The following KRTAP13-2 variants were observed in gnomAD, a reference collection of about 807,000 sequenced individuals.
KRTAP13-2 encodes the protein keratin-associated protein 13-2.
For missense variants in KRTAP13-2, 231 were observed against 212.4 expected (o/e 1.09, Z -0.55); for synonymous variants, 92 against 87.4 (o/e 1.05, Z -0.30).
In KRTAP13-2 at chr21:30,371,817, C is replaced by T; in HGVS notation, c.397G>A (p.Gly133Arg). ...GSSGVRSLGY[G>R]SCGFPSLGYG... The stretch of plus-strand genomic sequence containing the variant: ...CCGAGGGAAGGGAAGCCACAGCTTC[C>T]ATAACCCAGGGATCTGACACCACTG... Residue 133 changes from glycine (G) to arginine (R), a missense_variant, in exon 1 of 1, where the codon GGA becomes AGA. Physicochemically the swap from Gly to Arg is moderately radical, Grantham distance 125. Coordinates refer to ENST00000399889, the MANE Select transcript of KRTAP13-2 (RefSeq NM_181621.4). 5 of 1,614,056 alleles carry T rather than the reference C, an allele frequency of 3.1e-6. No homozygotes were observed. The highest frequency in any genetic ancestry group is 2.7e-5 in the African/African-American group (2 of 75,022).
Position 30,371,804 on chromosome 21 carries a change from A to T in KRTAP13-2, c.410T>A (p.Phe137Tyr). ...VRSLGYGSCG[F>Y]PSLGYGSGFC... is the part of the protein sequence containing the mutation. ...TCCAGATCCATAGCCGAGGGAAGGG[A>T]AGCCACAGCTTCCATAACCCAGGGA... Residue 137 changes from phenylalanine (F) to tyrosine (Y), a missense_variant, in exon 1 of 1, where the codon TTC becomes TAC. Physicochemically the swap from Phe to Tyr is conservative, Grantham distance 22. Transcript: ENST00000399889. 1.2e-6 allele frequency: 2 copies of T among 1,614,064 alleles called. No individual in the cohort carries two copies. The highest frequency in any genetic ancestry group is 1.1e-5 in the South Asian group (1 of 91,060).
rs777345563 is a variant in KRTAP13-2 at position 30,371,793 on chromosome 21, C to T, written c.421G>A (p.Gly141Ser). ...GGGCGGCAGAATCCAGATCCATAGC[C>T]GAGGGAAGGGAAGCCACAGCTTCCA... is the stretch of plus-strand genomic sequence containing the variant. ...GYGSCGFPSL[G>S]YGSGFCRPTY... The change falls in exon 1 of 1, where the codon GGC becomes AGC. Residue 141 changes from glycine (G) to serine (S), a missense_variant. Coordinates refer to ENST00000399889, the MANE Select transcript of KRTAP13-2 (RefSeq NM_181621.4). The T allele has an allele frequency of 5.6e-6, 9 of 1,613,926 alleles. No individual in the cohort carries two copies. The highest frequency in any genetic ancestry group is 3.3e-5 in the South Asian group (3 of 91,064).
chr21:30,372,030 C>A, the KRTAP13-2 span: 2 of 1,613,986 alleles, frequency 1.2e-6, no homozygotes, highest in African/African-American at 2.7e-5. Flanking sequence ...CTGGTGGGCT[C>A]CCAGCAGATC....
chr21:30,371,506 C>G lies in KRTAP13-2; in HGVS notation c.*180G>C. Reference sequence around the variant, plus strand: ...GTTTCAAAATTATAGACATTTGACTCTATATTTTGCTCATTCATTAATTTC... The same window carrying G: ...GTTTCAAAATTATAGACATTTGACTGTATATTTTGCTCATTCATTAATTTC... On this transcript the variant is annotated 3_prime_UTR_variant, in exon 1 of 1. Coordinates refer to ENST00000399889, the MANE Select transcript of KRTAP13-2 (RefSeq NM_181621.4). The G allele has an allele frequency of 1.7e-6, 1 of 596,172 alleles. No individual in the cohort carries two copies. The highest frequency in any genetic ancestry group is 3.0e-6 in the Non-Finnish European group (1 of 338,874). The allele number at this position is 596,172 out of a possible 1,614,324, so 36.9% of individuals were successfully genotyped here.
Position 30,371,738 on chromosome 21 carries a change from G to A in KRTAP13-2, c.476C>T (p.Ser159Phe). 1.2e-6 allele frequency: 2 copies of A among 1,614,164 alleles called. No individual in the cohort carries two copies. The highest frequency in any genetic ancestry group is 1.7e-6 in the Non-Finnish European group (2 of 1,180,020). ...TCCATAGGCTGGTCTGTAACAAGGAGACTGGCAGCTCCTAGAAGCCAAGTA... is the reference window on the plus strand; with the variant it reads ...TCCATAGGCTGGTCTGTAACAAGGAAACTGGCAGCTCCTAGAAGCCAAGTA... ...PTYLASRSCQSPCYRPAYGST... is the reference protein window; with the variant it reads ...PTYLASRSCQFPCYRPAYGST... Residue 159 changes from serine to phenylalanine, a missense_variant, in exon 1 of 1, where the codon TCT becomes TTT. By Grantham distance (155) the Ser-to-Phe change is radical. Transcript: ENST00000399889.
In KRTAP13-2 at chr21:30,371,527, A is replaced by T; in HGVS notation, c.*159T>A. The T allele has an allele frequency of 1.5e-6, 1 of 685,444 alleles. No individual in the cohort carries two copies. The highest frequency in any genetic ancestry group is 3.7e-4 in the Middle Eastern group (1 of 2,736). 42.5% of individuals were successfully genotyped at this position (685,444 alleles called of 1,614,324 possible). ...GACTCTATATTTTGCTCATTCATTA[A>T]TTTCACAGTCTGAAAGAACTAGCCT... is the stretch of plus-strand genomic sequence containing the variant. On this transcript the variant is annotated 3_prime_UTR_variant, in exon 1 of 1. Coordinates refer to ENST00000399889, the MANE Select transcript of KRTAP13-2 (RefSeq NM_181621.4).
At position 30,371,723 on chromosome 21, in the gene KRTAP13-2, G is replaced by C; in HGVS notation, c.491C>G (p.Pro164Arg). Reference sequence around the variant, plus strand: ...TCTGCAGAAGGTTGATCCATAGGCTGGTCTGTAACAAGGAGACTGGCAGCT... The same window carrying C: ...TCTGCAGAAGGTTGATCCATAGGCTCGTCTGTAACAAGGAGACTGGCAGCT... ...SRSCQSPCYRPAYGSTFCRST... is the reference protein window; with the variant it reads ...SRSCQSPCYRRAYGSTFCRST... The change falls in exon 1 of 1, where the codon CCA becomes CGA. Residue 164 changes from proline (P) to arginine (R), a missense_variant. Pro to Arg is a moderately radical substitution (Grantham distance 103). Coordinates refer to ENST00000399889, the MANE Select transcript of KRTAP13-2 (RefSeq NM_181621.4). The C allele has an allele frequency of 6.2e-7, 1 of 1,614,128 alleles. No individual in the cohort carries two copies. Among genetic ancestry groups the C allele is most frequent in the Non-Finnish European group, 8.5e-7 (1 of 1,180,006 alleles).
chr21:30,371,515 G>C lies in KRTAP13-2; in HGVS notation c.*171C>G. 1.6e-6 allele frequency: 1 copy of C among 614,642 alleles called. No homozygotes were observed. The highest frequency in any genetic ancestry group is 3.0e-5 in the Admixed American group (1 of 33,072). 38.1% of individuals were successfully genotyped at this position (614,642 alleles called of 1,614,324 possible). ...TTATAGACATTTGACTCTATATTTT[G>C]CTCATTCATTAATTTCACAGTCTGA... On this transcript the variant is annotated 3_prime_UTR_variant, in exon 1 of 1. Coordinates refer to ENST00000399889, the MANE Select transcript of KRTAP13-2 (RefSeq NM_181621.4).
chr21:30,371,523 A>G lies in KRTAP13-2; in HGVS notation c.*163T>C. 1.5e-6 allele frequency: 1 copy of G among 666,694 alleles called. No individual in the cohort carries two copies. Among genetic ancestry groups the G allele is most frequent in the East Asian group, 2.7e-5 (1 of 36,806 alleles). 41.3% of individuals were successfully genotyped at this position (666,694 alleles called of 1,614,324 possible). A position where few individuals can be genotyped will look rare whatever the true frequency, so the allele number is the denominator to read the frequency against. On this transcript the variant is annotated 3_prime_UTR_variant, in exon 1 of 1. Transcript: ENST00000399889. The stretch of plus-strand genomic sequence containing the variant: ...ATTTGACTCTATATTTTGCTCATTC[A>G]TTAATTTCACAGTCTGAAAGAACTA...
chr21:30,371,652 A>G lies in KRTAP13-2; in HGVS notation c.*34T>C, dbSNP rs768003721. On this transcript the variant is annotated 3_prime_UTR_variant, in exon 1 of 1. Coordinates refer to ENST00000399889, the MANE Select transcript of KRTAP13-2 (RefSeq NM_181621.4). ...TGCCTATGATAACAGCTCTACGTAG[A>G]GACTGAGACACTTTGCTTAAAAGGT... 1.0e-5 allele frequency: 16 copies of G among 1,593,750 alleles called. No homozygotes were observed. The Admixed American group carries it at 2.2e-4, about 22-fold the overall frequency.
In KRTAP13-2 at chr21:30,372,137, C is replaced by T. The variant is rs751159140; in HGVS notation, c.77G>A (p.Arg26His). Residue 26 changes from arginine (R) to histidine (H), a missense_variant, in exon 1 of 1, where the codon CGT (arginine) becomes CAT (histidine). Arg to His is a conservative substitution (Grantham distance 29). Transcript: ENST00000399889. The part of the protein sequence containing the change: ...GDYLRYPASS[R>H]GFSYPSNLVY... The stretch of plus-strand genomic sequence containing the variant: ...CAGATTGCTGGGGTAGGAAAAGCCA[C>T]GTGAGGATGCTGGGTAGCGCAGGTA... 1.2e-5 allele frequency: 19 copies of T among 1,613,994 alleles called. No individual in the cohort carries two copies. The highest frequency in any genetic ancestry group is 1.7e-5 in the Admixed American group (1 of 59,998).
chr21:30,371,773 G>A lies in KRTAP13-2; in HGVS notation c.441C>T (p.Cys147=). Residue 147 remains cysteine (C), a synonymous_variant, in exon 1 of 1, where the codon TGC becomes TGT. Transcript: ENST00000399889. ...FPSLGYGSGF[C]RPTYLASRSC... is the part of the protein sequence containing the mutation. ...TCCTAGAAGCCAAGTAGGTTGGGCG[G>A]CAGAATCCAGATCCATAGCCGAGGG... 7 of 1,614,146 alleles carry A rather than the reference G, an allele frequency of 4.3e-6. No homozygotes were observed. Among genetic ancestry groups the A allele is most frequent in the Non-Finnish European group, 5.9e-6 (7 of 1,180,008 alleles).
Position 30,371,419 on chromosome 21 carries a change from G to A in KRTAP13-2, c.*267C>T, listed in dbSNP as rs143847787. The A allele has an allele frequency of 5.7e-4, 206 of 363,304 alleles. 4 individuals are homozygous for A. In the East Asian group the frequency reaches 9.2e-3, roughly 16 times the overall value. The allele number at this position is 363,304 out of a possible 1,614,324, so 22.5% of individuals were successfully genotyped here. A position where few individuals can be genotyped will look rare whatever the true frequency, so the allele number is the denominator to read the frequency against. On this transcript the variant is annotated 3_prime_UTR_variant, in exon 1 of 1. Transcript: ENST00000399889. The stretch of plus-strand genomic sequence containing the variant: ...AATCAACAGTAAATGAATTTATTAC[G>A]TGAAACAAAACTGAACTTCCATATA...
rs1345713473 is a variant in KRTAP13-2, at chr21:30,371,921, C to T, written c.293G>A (p.Gly98Glu). 2.5e-6 allele frequency: 4 copies of T among 1,614,140 alleles called. No homozygotes were observed. The highest frequency in any genetic ancestry group is 8.5e-7 in the Non-Finnish European group (1 of 1,180,014). Reference protein sequence around the residue: ...LCSPCKTTYSGSLGFGSSSCR... With the variant: ...LCSPCKTTYSESLGFGSSSCR... ...GCTGCTGGATCCAAAGCCTAGAGAC[C>T]CAGAGTAAGTCGTCTTGCAAGGACT... The change falls in exon 1 of 1, where the codon GGG becomes GAG. Residue 98 changes from glycine to glutamate, a missense_variant. Transcript: ENST00000399889.
Position 30,371,872 on chromosome 21 carries a change from C to A in KRTAP13-2, c.342G>T (p.Ser114=). The A allele has an allele frequency of 3.7e-6, 6 of 1,614,140 alleles. No homozygotes were observed. The South Asian group carries it at 6.6e-5, about 18-fold the overall frequency. ...CACAGCCCACTGAGTAGCAGCTCCT[C>A]GATCCATAGCCCAGGGAGCGGCAGC... is the stretch of plus-strand genomic sequence containing the variant. The part of the protein sequence containing the change: ...SSSCRSLGYG[S]RSCYSVGCGS... Residue 114 remains serine (S), a synonymous_variant, in exon 1 of 1, where the codon TCG becomes TCT. Coordinates refer to ENST00000399889, the MANE Select transcript of KRTAP13-2 (RefSeq NM_181621.4).
Position 30,372,134 on chromosome 21 carries a change from C to A in KRTAP13-2, c.80G>T (p.Gly27Val), listed in dbSNP as rs1355093816. 6.2e-7 allele frequency: 1 copy of A among 1,614,118 alleles called. No homozygotes were observed. Among genetic ancestry groups the A allele is most frequent in the Admixed American group, 1.7e-5 (1 of 60,016 alleles). The change falls in exon 1 of 1, where the codon GGC becomes GTC. Residue 27 changes from glycine to valine, a missense_variant. By Grantham distance (109) the Gly-to-Val change is moderately radical. Transcript: ENST00000399889. ...DYLRYPASSRGFSYPSNLVYS... is the reference protein window; with the variant it reads ...DYLRYPASSRVFSYPSNLVYS... ...GACCAGATTGCTGGGGTAGGAAAAG[C>A]CACGTGAGGATGCTGGGTAGCGCAG...
Position 30,371,584 on chromosome 21 carries a change from T to C in KRTAP13-2, c.*102A>G. 3.5e-6 allele frequency: 4 copies of C among 1,150,660 alleles called. No individual in the cohort carries two copies. In the South Asian group the frequency reaches 4.6e-5, roughly 13 times the overall value. 71.3% of individuals were successfully genotyped at this position (1,150,660 alleles called of 1,614,324 possible). A position where few individuals can be genotyped will look rare whatever the true frequency, so the allele number is the denominator to read the frequency against. On this transcript the variant is annotated 3_prime_UTR_variant, in exon 1 of 1. Transcript: ENST00000399889. The stretch of plus-strand genomic sequence containing the variant: ...CCAGTACTTGATGCCAGAGAAAGGA[T>C]GAAGAGCTAGTAGTAAGAGGGGTTA...
At position 30,372,050 on chromosome 21, in the gene KRTAP13-2, C is replaced by A. The variant is rs754342836; in HGVS notation, c.164G>T (p.Gly55Val). The A allele has an allele frequency of 6.2e-7, 1 of 1,613,984 alleles. No homozygotes were observed. The highest frequency in any genetic ancestry group is 1.7e-5 in the Admixed American group (1 of 59,988). The part of the protein sequence containing the change: ...TCQLGSSLYR[G>V]CQEICWEPTS... ...GGGCTCCCAGCAGATCTCCTGACAGCCCCTATAGAGAGAGGAACCCAGCTG... is the reference window on the plus strand; with the variant it reads ...GGGCTCCCAGCAGATCTCCTGACAGACCCTATAGAGAGAGGAACCCAGCTG... The change falls in exon 1 of 1, where the codon GGC becomes GTC. Residue 55 changes from glycine (G) to valine (V), a missense_variant. Physicochemically the swap from Gly to Val is moderately radical, Grantham distance 109. Transcript: ENST00000399889.
In KRTAP13-2 at chr21:30,372,054, T is replaced by C. The variant is rs376498929; in HGVS notation, c.160A>G (p.Arg54Gly). The C allele has an allele frequency of 1.2e-6, 2 of 1,613,942 alleles. No individual in the cohort carries two copies. Among genetic ancestry groups the C allele is most frequent in the Non-Finnish European group, 1.7e-6 (2 of 1,180,016 alleles). Residue 54 changes from arginine to glycine, a missense_variant, in exon 1 of 1, where the codon AGG becomes GGG. Coordinates refer to ENST00000399889, the MANE Select transcript of KRTAP13-2 (RefSeq NM_181621.4). Reference protein sequence around the residue: ...STCQLGSSLYRGCQEICWEPT... With the variant: ...STCQLGSSLYGGCQEICWEPT... ...TCCCAGCAGATCTCCTGACAGCCCC[T>C]ATAGAGAGAGGAACCCAGCTGGCAG...
Sources: gnomAD v4.1 joint callset for allele counts on GRCh38, gnomAD v4.1.1 for gene constraint, MANE v1.5 for transcripts, NCBI Gene and HGNC (gene_info 2026-07-23, HGNC 2026-07-21) for gene names.